The following WDR41 variants were observed in gnomAD, a reference collection of about 807,000 sequenced individuals.
WDR41 encodes WD repeat-containing protein 41.
WDR41 carries 63 observed loss-of-function variants against 69.3 expected under a neutral mutation model. The ratio of observed to expected loss-of-function variants is 0.91; its 90% CI spans 0.74 to 1.12. WDR41 has a LOEUF of 1.12. WDR41 is among the 50% of genes most tolerant of loss of function. WDR41 has a pLI of 0.00. For synonymous variants in WDR41, 185 were observed against 192.1 expected (o/e 0.96, Z 0.31); for missense variants, 543 against 534.5 (o/e 1.02, Z -0.16).
At position 77,492,006 on chromosome 5, in the gene WDR41, G is replaced by A. The variant is rs1801817878; in HGVS notation, c.51+164C>T. On this transcript the variant is annotated intron_variant, in intron 1 of 12. Coordinates refer to ENST00000296679, the MANE Select transcript of WDR41 (RefSeq NM_018268.4). ...GGGTCTGAGGAGCTCCGGCTCCCGC[G>A]CCCTCCGCCCCCACCGTCGTGAGAA... is the stretch of plus-strand genomic sequence containing the variant. 10 of 872,032 alleles carry A rather than the reference G, an allele frequency of 1.1e-5. No individual in the cohort carries two copies. In the South Asian group the frequency reaches 1.5e-4, roughly 13 times the overall value. 54.0% of individuals were successfully genotyped at this position (872,032 alleles called of 1,614,324 possible). A position where few individuals can be genotyped will look rare whatever the true frequency, so the allele number is the denominator to read the frequency against.
chr5:77,488,774 A>C (rs2112112136), intron 2 of WDR41, among the ~76,000 whole-genome samples: 1 of 152,322 alleles, frequency 6.6e-6, no homozygotes, highest in Middle Eastern at 3.4e-3. Context: ...ACATAGCCTC[A>C]TTCTCATGAA....
intron 1 of WDR41, among the ~76,000 whole-genome samples, chr5:77,584,858 A>G (rs578090820): frequency 2.4e-4 from 37 of 152,358 alleles, no homozygotes; most frequent in African/African-American, 8.9e-4. Context: ...AAGACCTGAA[A>G]CTATAAAAAT....
intron 1 of WDR41, among the ~76,000 whole-genome samples, chr5:77,612,530 C>G (rs1018563219): frequency 6.6e-6 from 1 of 152,038 alleles, no homozygotes; most frequent in Non-Finnish European, 1.5e-5. Flanking sequence ...TAAACAGAAC[C>G]AAAGACAAAA....
intron 1 of WDR41, among the ~76,000 whole-genome samples, chr5:77,608,696 G>A (rs908845562): frequency 2.6e-5 from 4 of 152,190 alleles, no homozygotes; most frequent in South Asian, 2.1e-4. Flanking sequence ...AAATAGGAAC[G>A]GCTCTGGTCT....
At chr5:77,470,436 C>T (rs1330145284) in intron 2 of WDR41, among the ~76,000 whole-genome samples, 6 of 152,008 alleles carry the variant, frequency 3.9e-5, no homozygotes, top group South Asian at 2.1e-4. Flanking sequence ...CAATATTAAC[C>T]TTAAATGTAA....
At chr5:77,557,014 T>A (rs1316587519) in intron 1 of WDR41, among the ~76,000 whole-genome samples, 1 of 152,016 alleles carries the variant, frequency 6.6e-6, no homozygotes, top group East Asian at 1.9e-4. Context: ...CTGTTGGTAG[T>A]CAAACATCAA....
At chr5:77,482,315 A>G (rs994885614) in intron 2 of WDR41, among the ~76,000 whole-genome samples, 1 of 152,244 alleles carries the variant, frequency 6.6e-6, no homozygotes, top group Non-Finnish European at 1.5e-5. Flanking sequence ...TAATGTCATC[A>G]AATACCCAGT....
At chr5:77,540,029 A>G (rs185580300) in intron 1 of WDR41, among the ~76,000 whole-genome samples, 369 of 152,352 alleles carry the variant, frequency 2.4e-3, no homozygotes, top group African/African-American at 8.5e-3. Flanking sequence ...AAAGTAAAAC[A>G]TAAGCAATCT....
intron 1 of WDR41, among the ~76,000 whole-genome samples, chr5:77,581,083 A>G (rs1266426698): frequency 1.3e-5 from 2 of 152,148 alleles, no homozygotes; most frequent in Non-Finnish European, 2.9e-5. Flanking sequence ...GGATTGTCAG[A>G]CTGGATAAAA....
At chr5:77,565,947 C>A (rs59807689) in intron 1 of WDR41, among the ~76,000 whole-genome samples, 29,604 of 152,096 alleles carry the variant, frequency 0.19, 4,945 homozygotes, top group African/African-American at 0.45. Context: ...AACCCATTGA[C>A]TTCTTACTGC....
chr5:77,507,622 A>G (rs927410960), intron 1 of WDR41, among the ~76,000 whole-genome samples: 2 of 152,170 alleles, frequency 1.3e-5, no homozygotes, highest in African/African-American at 2.4e-5. Context: ...TTGTCAGTCA[A>G]TATTCAGTGT....
intron 1 of WDR41, among the ~76,000 whole-genome samples, chr5:77,593,905 G>C (rs1744173934): frequency 6.6e-6 from 1 of 152,098 alleles, no homozygotes. Context: ...TTATTCATAA[G>C]TTATATTAAA....
intron 1 of WDR41, among the ~76,000 whole-genome samples, chr5:77,571,041 A>G (rs556075513): frequency 6.6e-6 from 1 of 152,186 alleles, no homozygotes; most frequent in East Asian, 1.9e-4. Flanking sequence ...AATGGTTTAA[A>G]TTATGACTGA....
At chr5:77,538,582 C>T (rs996425677) in intron 1 of WDR41, among the ~76,000 whole-genome samples, 73 of 152,112 alleles carry the variant, frequency 4.8e-4, no homozygotes, top group African/African-American at 7.2e-5. Context: ...TGCATTAATT[C>T]GCTTAGGATG....
intron 1 of WDR41, among the ~76,000 whole-genome samples, chr5:77,518,893 A>G (rs1178788637): frequency 6.6e-6 from 1 of 152,046 alleles, no homozygotes; most frequent in East Asian, 1.9e-4. Flanking sequence ...TTTATTTGCA[A>G]TTGTTACTAA....
intron 1 of WDR41, among the ~76,000 whole-genome samples, chr5:77,547,531 AAAAAAAAACAAAC>A (rs1420658340): frequency 1.3e-5 from 2 of 151,876 alleles, no homozygotes; most frequent in East Asian, 3.9e-4. Context: ...TAGCTACAAA[AAAAAAAAACAAAC>A]AAAAAATAAA....
chr5:77,554,689 G>A (rs577294392), intron 1 of WDR41, among the ~76,000 whole-genome samples: 1 of 151,448 alleles, frequency 6.6e-6, no homozygotes, highest in East Asian at 1.9e-4. Flanking sequence ...TGAGTTTATA[G>A]TATTTTGTTA....
chr5:77,481,552 C>T (rs1437758098), intron 2 of WDR41, among the ~76,000 whole-genome samples: 1 of 151,866 alleles, frequency 6.6e-6, no homozygotes, highest in South Asian at 2.1e-4. Context: ...TTTGGGAGGC[C>T]GAGGCAGGCG....
intron 1 of WDR41, among the ~76,000 whole-genome samples, chr5:77,504,539 C>T (rs773723989): frequency 6.2e-4 from 95 of 152,158 alleles, no homozygotes; most frequent in Admixed American, 5.2e-4. Context: ...CCAGCATCAT[C>T]CTGATACCAA....
Sources: gnomAD v4.1 joint callset for allele counts (sites outside exome capture counted in the v4.1 genomes callset) on GRCh38, gnomAD v4.1.1 for gene constraint, MANE v1.5 for transcripts, NCBI Gene and HGNC (gene_info 2026-07-23, HGNC 2026-07-21) for gene names.